The following PDS5A variants were observed in gnomAD, a reference collection of about 807,000 sequenced individuals.
PDS5A encodes the protein sister chromatid cohesion protein PDS5 homolog A.
Under a neutral mutation model 167.1 loss-of-function variants are expected in PDS5A, and 42 were observed. The observed-to-expected ratio is 0.25, with a 90% CI of 0.20 to 0.33. The LOEUF (loss-of-function observed/expected upper bound fraction) is 0.33. Among genes scored for constraint, PDS5A ranks in the 10% least tolerant of loss-of-function variants. The probability of loss-of-function intolerance (pLI) is 1.00; values close to 1 mark genes in which losing one functional copy is unlikely to be tolerated. For missense variants in PDS5A, 1,033 were observed against 1,605.9 expected, an observed-to-expected ratio of 0.64 and a Z score of 6.10; for synonymous variants, 553 against 554.6, an observed-to-expected ratio of 1.00 and a Z score of 0.04.
chr4:39,953,422 G>GTT (rs34704998), intron 2 of PDS5A, among the ~76,000 whole-genome samples: 1,584 of 142,526 alleles, frequency 0.011, 33 homozygotes, highest in African/African-American at 0.037. Flanking sequence ...TGAAGAATCA[G>GTT]TTTTTTTTTT....
chr4:39,887,087 C>A (rs1578672256), intron 17 of PDS5A, among the ~76,000 whole-genome samples: 1 of 152,254 alleles, frequency 6.6e-6, no homozygotes, highest in South Asian at 2.1e-4. Flanking sequence ...TTCCTTCTTG[C>A]TAAATTTGGA....
At chr4:39,909,710 C>G (rs1294489339) in intron 10 of PDS5A, among the ~76,000 whole-genome samples, 1 of 152,062 alleles carries the variant, frequency 6.6e-6, no homozygotes, top group African/African-American at 2.4e-5. Flanking sequence ...TAAATAACAG[C>G]CTGCTGATAA....
At chr4:39,911,609 A>G (rs1287899697) in intron 9 of PDS5A, among the ~76,000 whole-genome samples, 1 of 151,988 alleles carries the variant, frequency 6.6e-6, no homozygotes, top group African/African-American at 2.4e-5. Flanking sequence ...GAGGCGGGCA[A>G]ATCACGAGGT....
At chr4:39,836,613 C>CTTTTTTTTTTTTT (rs1299199760) in intron 32 of PDS5A, among the ~76,000 whole-genome samples, 1 of 78,682 alleles carries the variant, frequency 1.3e-5, no homozygotes, top group Non-Finnish European at 2.6e-5. Context: ...GGATTTTTTT[C>CTTTTTTTTTTTTT]TATTTTTTTT....
chr4:39,917,437 G>A (rs1011309856), intron 7 of PDS5A, among the ~76,000 whole-genome samples: 2 of 152,028 alleles, frequency 1.3e-5, no homozygotes, highest in African/African-American at 2.4e-5. Context: ...TTGGTTTGTT[G>A]GGTGTATTTC....
chr4:39,881,047 C>T (rs1450412497), intron 17 of PDS5A, among the ~76,000 whole-genome samples: 1 of 151,870 alleles, frequency 6.6e-6, no homozygotes, highest in African/African-American at 2.4e-5. Context: ...CCAGTGAGAA[C>T]ATCTGGTATT....
chr4:39,835,225 G>A (rs1716281207), intron 32 of PDS5A, among the ~76,000 whole-genome samples: 1 of 152,112 alleles, frequency 6.6e-6, no homozygotes, highest in East Asian at 1.9e-4. Flanking sequence ...GATTATAGGT[G>A]TGAGCCACCG....
Position 39,872,036 on chromosome 4 carries a change from G to A in PDS5A, c.2436+950C>T, listed in dbSNP as rs559264968. On this transcript the variant is annotated intron_variant, in intron 21 of 32. Transcript: ENST00000303538. ...TGACTCTTAATCAAGGTGTGTTTCC[G>A]AAATCATTTGGGGAGTCTTTTCAAT... Among the ~76,000 whole-genome samples, 38 of 152,102 alleles carry A rather than the reference G, an allele frequency of 2.5e-4. No individual in the cohort carries two copies. The South Asian group carries it at 7.5e-3, about 30-fold the overall frequency.
At chr4:39,839,855 G>A (rs774748456) in intron 31 of PDS5A, among the ~76,000 whole-genome samples, 1 of 151,822 alleles carries the variant, frequency 6.6e-6, no homozygotes, top group Non-Finnish European at 1.5e-5. Context: ...CAGCACTTTG[G>A]GAGGCCAAGG....
rs1443458324 is a variant in PDS5A at position 39,867,759 on chromosome 4, CACACACACA to C, written c.2506-771_2506-763del. On this transcript the variant is annotated intron_variant, in intron 22 of 32. Coordinates refer to ENST00000303538, the MANE Select transcript of PDS5A (RefSeq NM_001100399.2). ...ACACACACACACACACACACACACA[CACACACACA>C]CACACACCCCACAACTGTACTGATT... 2.7e-5 allele frequency among the ~76,000 whole-genome samples: 4 copies of C among 150,020 alleles called. No individual in the cohort carries two copies. In the East Asian group the frequency reaches 5.9e-4, roughly 22 times the overall value.
At chr4:39,902,503 A>T in intron 12 of PDS5A, 43 bp from the exon 13 acceptor site, 2 of 972,380 alleles carry the variant, frequency 2.1e-6, no homozygotes, top group Non-Finnish European at 3.1e-6. Flanking sequence ...TGACACAATT[A>T]TTCCATTTTT....
chr4:39,937,534 C>G (rs903957687), intron 2 of PDS5A, among the ~76,000 whole-genome samples: 7 of 152,262 alleles, frequency 4.6e-5, no homozygotes, highest in Admixed American at 3.3e-4. Context: ...CTGCCTCGGT[C>G]TCCTGAGTAG....
chr4:39,837,287 G>A (rs931054579), intron 32 of PDS5A: 2 of 153,058 alleles, frequency 1.3e-5, no homozygotes, highest in African/African-American at 4.8e-5. Flanking sequence ...GATGAGTTAA[G>A]TTCTAAGGCC....
chr4:39,954,670 T>TAAAAAAAAAAAA (rs777287409), intron 2 of PDS5A, among the ~76,000 whole-genome samples: 55 of 48,186 alleles, frequency 1.1e-3, no homozygotes, highest in East Asian at 2.3e-3. Context: ...AAGAGATAAG[T>TAAAAAAAAAAAA]AAAAAAAAAA....
In PDS5A at chr4:39,838,116, T is replaced by C. The variant is rs574475863; in HGVS notation, c.3750A>G (p.Gln1250=). 3.0e-5 allele frequency: 49 copies of C among 1,613,930 alleles called. 1 individual carries two copies. Among genetic ancestry groups the C allele is most frequent in the South Asian group, 2.0e-4 (18 of 91,054 alleles). ...CATCTACTTTCTCATCTGTTTTTTG[T>C]TGGATATTCTCTGCACCAGCTGCTG... ...TVTAAGAENI[Q]QKTDEKVDES... is the part of the protein sequence containing the mutation. Residue 1250 remains glutamine (Q), a synonymous_variant, in exon 32 of 33, where the codon CAA becomes CAG. Coordinates refer to ENST00000303538, the MANE Select transcript of PDS5A (RefSeq NM_001100399.2).
At chr4:39,952,841 G>A (rs914659382) in intron 2 of PDS5A, among the ~76,000 whole-genome samples, 2 of 149,792 alleles carry the variant, frequency 1.3e-5, no homozygotes, top group Non-Finnish European at 2.9e-5. Context: ...TGACTCTCCT[G>A]CCTCAGCCTC....
At chr4:39,906,150 T>A (rs1022089212) in intron 11 of PDS5A, among the ~76,000 whole-genome samples, 5 of 152,126 alleles carry the variant, frequency 3.3e-5, no homozygotes, top group Admixed American at 3.3e-4. Context: ...CACAGATCCC[T>A]TGAGCCCAGA....
intron 2 of PDS5A, among the ~76,000 whole-genome samples, chr4:39,930,255 G>GTTTTTTTT (rs1421768439): frequency 2.5e-5 from 2 of 80,512 alleles, no homozygotes; most frequent in East Asian, 8.6e-4. Flanking sequence ...AAGTTTTTTT[G>GTTTTTTTT]TTTTTTGTTT....
intron 9 of PDS5A, among the ~76,000 whole-genome samples, chr4:39,912,078 G>A (rs1446957833): frequency 6.6e-6 from 1 of 152,108 alleles, no homozygotes; most frequent in Non-Finnish European, 1.5e-5. Flanking sequence ...ATTTTCATGT[G>A]TTAATAAAAT....
Sources: allele counts gnomAD v4.1 joint callset (sites outside exome capture counted in the v4.1 genomes callset), GRCh38; gene constraint gnomAD v4.1.1; transcripts MANE v1.5; gene names NCBI Gene and HGNC (gene_info 2026-07-23, HGNC 2026-07-21).